PPHLN1: variants seen among roughly 807,000 people sequenced by gnomAD.
PPHLN1 encodes the protein periphilin-1.
A neutral mutation model predicts 51.3 loss-of-function variants in PPHLN1; 29 were observed. The observed-to-expected ratio is 0.57, with a 90% CI of 0.42 to 0.77. PPHLN1 has a LOEUF of 0.77. Ranked by LOEUF, PPHLN1 falls within the 30% of genes least tolerant of loss-of-function variation. PPHLN1 has a pLI of 0.00. For synonymous variants in PPHLN1, 147 were observed against 147.8 expected, an observed-to-expected ratio of 0.99 and a Z score of 0.04; for missense variants, 436 against 438.4, an observed-to-expected ratio of 0.99 and a Z score of 0.05.
At chr12:42,345,734 G>A (rs2072219522) in intron 2 of PPHLN1, among the ~76,000 whole-genome samples, 1 of 151,714 alleles carries the variant, frequency 6.6e-6, no homozygotes, top group Admixed American at 6.6e-5. Context: ...TGAAATATCT[G>A]CATTTGAAAT....
rs895984475 is a variant in PPHLN1, at chr12:42,351,874, G to A, written c.73-11G>A. 2.6e-6 allele frequency: 4 copies of A among 1,534,286 alleles called. No homozygotes were observed. The highest frequency in any genetic ancestry group is 3.5e-6 in the Non-Finnish European group (4 of 1,152,020). On this transcript the variant is annotated splice_polypyrimidine_tract_variant and intron_variant, in intron 2 of 9. Coordinates refer to ENST00000358314, the MANE Select transcript of PPHLN1 (RefSeq NM_201439.2). ...TAGTCATTTGTATATATTTCTTTTT[G>A]TCTGTTTTAGGATGGCTACAATAGA...
intron 6 of PPHLN1, among the ~76,000 whole-genome samples, chr12:42,385,450 G>A (rs2077114625): frequency 6.6e-6 from 1 of 152,134 alleles, no homozygotes; most frequent in African/African-American, 2.4e-5. Context: ...ACATGAAATT[G>A]GTTGATAACG....
At chr12:42,347,450 G>A (rs987588268) in intron 2 of PPHLN1, among the ~76,000 whole-genome samples, 1 of 152,154 alleles carries the variant, frequency 6.6e-6, no homozygotes, top group African/African-American at 2.4e-5. Flanking sequence ...TGGCAATGCA[G>A]GTAATAAAAA....
downstream of PPHLN1, chr12:42,445,123 T>C: frequency 1.4e-6 from 1 of 702,362 alleles, no homozygotes; most frequent in South Asian, 1.5e-5. Flanking sequence ...CAGTAATTGC[T>C]AAATCAATGT....
chr12:42,422,740 AAC>A (rs2081113613), intron 9 of PPHLN1, among the ~76,000 whole-genome samples: 1 of 152,206 alleles, frequency 6.6e-6, no homozygotes, highest in South Asian at 2.1e-4. Flanking sequence ...TCTTAGTTAT[AAC>A]ACTACCATTT....
chr12:42,417,920 G>GTT (rs542371198), intron 9 of PPHLN1, among the ~76,000 whole-genome samples: 16 of 102,376 alleles, frequency 1.6e-4, no homozygotes, highest in Non-Finnish European at 3.0e-4. Flanking sequence ...AAAAGCCCTA[G>GTT]TTTTTTTTTT....
intron 5 of PPHLN1, among the ~76,000 whole-genome samples, chr12:42,382,778 G>A (rs2076864067): frequency 6.6e-6 from 1 of 152,100 alleles, no homozygotes; most frequent in South Asian, 2.1e-4. Flanking sequence ...GAAGTACAAA[G>A]ATACGAAAAA....
At chr12:42,336,876 G>A (rs527253539) in intron 2 of PPHLN1, among the ~76,000 whole-genome samples, 13 of 152,242 alleles carry the variant, frequency 8.5e-5, no homozygotes, top group African/African-American at 2.4e-4. Flanking sequence ...TTATGTCTAC[G>A]TTAGTTATTT....
intron 7 of PPHLN1, among the ~76,000 whole-genome samples, chr12:42,393,263 T>C (rs7958601): frequency 0.2 from 29,765 of 151,964 alleles, 3,226 homozygotes; most frequent in African/African-American, 0.29. Context: ...ATGATGTCTT[T>C]TATATTCTAA....
downstream of PPHLN1, chr12:42,446,499 A>C (rs2083330494): frequency 2.0e-6 from 3 of 1,489,704 alleles, no homozygotes; most frequent in Non-Finnish European, 2.7e-6. Flanking sequence ...AATCTCTCCT[A>C]GAAAGACCCC....
Position 42,420,702 on chromosome 12 carries a change from T to TCC in PPHLN1, c.910-20611_910-20610dup, listed in dbSNP as rs35176603. 1.1e-4 allele frequency among the ~76,000 whole-genome samples: 3 copies of TCC among 28,326 alleles called. 1 individual carries two copies. The highest frequency in any genetic ancestry group is 3.8e-3 in the South Asian group (2 of 520). The allele number at this position is 28,326 out of a possible 152,430, so 18.6% of individuals were successfully genotyped here. On this transcript the variant is annotated intron_variant, in intron 9 of 9. Transcript: ENST00000358314. The stretch of plus-strand genomic sequence containing the variant: ...CTCCCCTCCCCTCCCCTCCCCTCCC[T>TCC]CCCTCTCTCTCTCTCTCTCTCATTT...
At chr12:42,373,028 A>G (rs950143936) in intron 4 of PPHLN1, among the ~76,000 whole-genome samples, 5 of 152,148 alleles carry the variant, frequency 3.3e-5, no homozygotes, top group African/African-American at 7.2e-5. Context: ...CTAAGATACC[A>G]CTGTCTCTTG....
chr12:42,345,129 A>G (rs1156543016), intron 2 of PPHLN1, among the ~76,000 whole-genome samples: 1 of 152,174 alleles, frequency 6.6e-6, no homozygotes, highest in East Asian at 1.9e-4. Context: ...ATGTATGGCA[A>G]ATTAAGAAGT....
chr12:42,332,791 T>C, intron 1 of PPHLN1: 1 of 695,736 alleles, frequency 1.4e-6, no homozygotes, highest in South Asian at 2.5e-5. Context: ...AGTATTAAAC[T>C]ACATACTATT....
At chr12:42,433,484 G>T in intron 9 of PPHLN1, 1 of 233,596 alleles carries the variant, frequency 4.3e-6, no homozygotes, top group Admixed American at 5.3e-5. Flanking sequence ...CACCATGCCT[G>T]GCTAATTTTT....
chr12:42,350,346 G>A (rs1209555722), intron 2 of PPHLN1: 1 of 159,676 alleles, frequency 6.3e-6, no homozygotes, highest in Non-Finnish European at 1.3e-5. Flanking sequence ...CCAGGAAGAG[G>A]CGCTCCTCAC....
At chr12:42,404,266 C>T (rs1439725809) in intron 9 of PPHLN1, among the ~76,000 whole-genome samples, 13 of 152,196 alleles carry the variant, frequency 8.5e-5, no homozygotes, top group Non-Finnish European at 1.5e-4. Flanking sequence ...CAGTGGCTCA[C>T]GCCTGTAATC....
At chr12:42,395,572 C>G (rs147906221) in intron 8 of PPHLN1, among the ~76,000 whole-genome samples, 4 of 151,858 alleles carry the variant, frequency 2.6e-5, no homozygotes, top group Non-Finnish European at 5.9e-5. Flanking sequence ...TTCAGTGGTC[C>G]GTGCTTTTTG....
chr12:42,445,565 G>A, downstream of PPHLN1: 1 of 193,860 alleles, frequency 5.2e-6, no homozygotes, highest in Non-Finnish European at 1.1e-5. Context: ...TAACTTTTAT[G>A]TTTATGGGGC....
Sources: allele counts gnomAD v4.1 joint callset (sites outside exome capture counted in the v4.1 genomes callset), GRCh38; gene constraint gnomAD v4.1.1; transcripts MANE v1.5; gene names NCBI Gene and HGNC (gene_info 2026-07-23, HGNC 2026-07-21).